Variants in ZFYVE9 observed in about 807,000 individuals in gnomAD.
ZFYVE9 encodes zinc finger FYVE-type containing 9, also known as zinc finger FYVE domain-containing protein 9.
A neutral mutation model predicts 126.7 loss-of-function variants in ZFYVE9; 43 were observed. The ratio of observed to expected loss-of-function variants is 0.34; its 90% CI spans 0.27 to 0.44. The LOEUF is 0.44. Among genes scored for constraint, ZFYVE9 ranks in the 20% least tolerant of loss-of-function variants. The probability of loss-of-function intolerance (pLI) is 1.00; values close to 1 mark genes in which losing one functional copy is unlikely to be tolerated. For synonymous variants in ZFYVE9, 521 were observed against 597.4 expected, an observed-to-expected ratio of 0.87 and a Z score of 1.87; for missense variants, 1,476 against 1,697.0, an observed-to-expected ratio of 0.87 and a Z score of 2.29.
rs375430570 is a variant in ZFYVE9 at position 52,281,787 on chromosome 1, T to C, written c.2996T>C (p.Phe999Ser). The change falls in exon 10 of 19, where the codon TTT becomes TCT. Residue 999 changes from phenylalanine (F) to serine (S), a missense_variant. Transcript: ENST00000287727. ...KCLPKDIFNH[F>S]VQLYRDALAG... ...TTGCCAAAGGATATCTTTAATCACT[T>C]TGTGCAGCTTTATCGGGATGCTCTG... The C allele has an allele frequency of 1.2e-6, 2 of 1,614,060 alleles. No individual in the cohort carries two copies. Among genetic ancestry groups the C allele is most frequent in the Non-Finnish European group, 1.7e-6 (2 of 1,180,028 alleles).
At chr1:52,230,352 C>T (rs963350036) in intron 2 of ZFYVE9, among the ~76,000 whole-genome samples, 10 of 151,878 alleles carry the variant, frequency 6.6e-5, no homozygotes, top group African/African-American at 1.9e-4. Context: ...GTGTGCAGTG[C>T]GCAGGTGGGC....
chr1:52,176,437 A>C (rs7531538), intron 1 of ZFYVE9, among the ~76,000 whole-genome samples: 2,920 of 152,304 alleles, frequency 0.019, 86 homozygotes, highest in African/African-American at 0.066. Context: ...AGGCTGGTCA[A>C]GGGTCAAGGA....
chr1:52,244,403 T>C (rs1645363618), intron 4 of ZFYVE9, among the ~76,000 whole-genome samples: 1 of 152,114 alleles, frequency 6.6e-6, no homozygotes, highest in Non-Finnish European at 1.5e-5. Context: ...ATCTACAACA[T>C]GTTGAGGATT....
At chr1:52,293,399 GAA>G (rs1389550057) in intron 10 of ZFYVE9, 52 bp from the exon 11 acceptor site, 41 of 649,506 alleles carry the variant, frequency 6.3e-5, no homozygotes, top group Non-Finnish European at 8.9e-5. Context: ...AAAAAAAAAA[GAA>G]ATATGATTAA....
At chr1:52,301,403 G>A (rs1267501329) in intron 12 of ZFYVE9, among the ~76,000 whole-genome samples, 3 of 149,056 alleles carry the variant, frequency 2.0e-5, no homozygotes, top group East Asian at 4.0e-4. Flanking sequence ...CAGGGCTCAG[G>A]TGATCCCCCC....
chr1:52,149,651 C>T (rs776170432), intron 1 of ZFYVE9, among the ~76,000 whole-genome samples: 24 of 152,172 alleles, frequency 1.6e-4, no homozygotes, highest in Admixed American at 7.2e-4. Context: ...CCTGCCACCA[C>T]GCGTGGCTAA....
intron 18 of ZFYVE9, chr1:52,345,824 T>G (rs755082061): frequency 1.3e-5 from 5 of 376,736 alleles, no homozygotes; most frequent in African/African-American, 2.0e-5. Flanking sequence ...CCCAGAAAAC[T>G]AAGACCATAA....
chr1:52,324,616 C>A (rs369258063), intron 13 of ZFYVE9, among the ~76,000 whole-genome samples: 1 of 152,174 alleles, frequency 6.6e-6, no homozygotes, highest in Non-Finnish European at 1.5e-5. Flanking sequence ...TTTTCTCCTC[C>A]ATTTTCCTGT....
rs538682245 is a variant in ZFYVE9 at position 52,169,129 on chromosome 1, A to G, written c.-143+26726A>G. On this transcript the variant is annotated intron_variant, in intron 1 of 18. Transcript: ENST00000287727. Reference sequence around the variant, plus strand: ...AAATTGTAACCCCCTAGTCGAGTGCAGTGGCTCATGCCTATAATCCTAGCA... The same window carrying G: ...AAATTGTAACCCCCTAGTCGAGTGCGGTGGCTCATGCCTATAATCCTAGCA... Among the ~76,000 whole-genome samples, 4 of 152,246 alleles carry G rather than the reference A, an allele frequency of 2.6e-5. No homozygotes were observed. In the East Asian group the frequency reaches 5.8e-4, roughly 22 times the overall value.
At chr1:52,144,309 C>T (rs2124484851) in intron 1 of ZFYVE9, among the ~76,000 whole-genome samples, 1 of 151,912 alleles carries the variant, frequency 6.6e-6, no homozygotes, top group African/African-American at 2.4e-5. Flanking sequence ...CAGAGCGAGA[C>T]TCCATCTCAA....
At chr1:52,205,027 T>TGTCTG (rs1339941829) in intron 1 of ZFYVE9, among the ~76,000 whole-genome samples, 1 of 151,924 alleles carries the variant, frequency 6.6e-6, no homozygotes, top group African/African-American at 2.4e-5. Context: ...TGTATTCACC[T>TGTCTG]GTCTGTCCCT....
intron 4 of ZFYVE9, among the ~76,000 whole-genome samples, chr1:52,245,332 A>G (rs1239259284): frequency 6.6e-6 from 1 of 152,010 alleles, no homozygotes; most frequent in Non-Finnish European, 1.5e-5. Context: ...TGACTTAAAG[A>G]TATAAAATGA....
chr1:52,282,223 G>A (rs1048380853), intron 10 of ZFYVE9, among the ~76,000 whole-genome samples: 6 of 152,018 alleles, frequency 3.9e-5, no homozygotes, highest in Non-Finnish European at 8.8e-5. Context: ...CATGACTATG[G>A]CTTCAAAATA....
chr1:52,242,472 C>T (rs181156618), intron 4 of ZFYVE9, among the ~76,000 whole-genome samples: 7 of 152,008 alleles, frequency 4.6e-5, no homozygotes, highest in East Asian at 1.9e-4. Flanking sequence ...CTAGAACATA[C>T]GGGTGCTCAG....
chr1:52,281,609 A>G (rs897799399), intron 9 of ZFYVE9, 52 bp from the exon 10 acceptor site: 12 of 1,590,456 alleles, frequency 7.5e-6, no homozygotes, highest in Non-Finnish European at 9.4e-6. Context: ...TTTTTTTAAG[A>G]GTAAGGATTG....
chr1:52,249,177 G>A (rs1216214235), intron 4 of ZFYVE9, among the ~76,000 whole-genome samples: 1 of 152,114 alleles, frequency 6.6e-6, no homozygotes, highest in Non-Finnish European at 1.5e-5. Context: ...GTTTCCTGGG[G>A]CCTTCCAGTC....
chr1:52,242,116 C>T (rs955296558), intron 4 of ZFYVE9, among the ~76,000 whole-genome samples: 4 of 147,488 alleles, frequency 2.7e-5, no homozygotes, highest in Non-Finnish European at 4.4e-5. Flanking sequence ...ACTGCAACCT[C>T]TGCCTCCTGG....
intron 4 of ZFYVE9, among the ~76,000 whole-genome samples, chr1:52,248,425 G>C (rs577597080): frequency 6.6e-6 from 1 of 152,250 alleles, no homozygotes; most frequent in African/African-American, 2.4e-5. Flanking sequence ...TGATTGTATG[G>C]TGCCCACCCC....
At chr1:52,286,166 A>G (rs1188121828) in intron 10 of ZFYVE9, among the ~76,000 whole-genome samples, 1 of 152,114 alleles carries the variant, frequency 6.6e-6, no homozygotes, top group East Asian at 1.9e-4. Flanking sequence ...CAAAAAAAAA[A>G]AAAAACGTAT....
Sources: gnomAD v4.1 joint callset for allele counts (sites outside exome capture counted in the v4.1 genomes callset) on GRCh38, gnomAD v4.1.1 for gene constraint, MANE v1.5 for transcripts, NCBI Gene and HGNC (gene_info 2026-07-23, HGNC 2026-07-21) for gene names.